RUNDC3B: variants seen among roughly 807,000 people sequenced by gnomAD.
RUNDC3B encodes the protein RUN domain containing 3B.
Under a neutral mutation model 58.4 loss-of-function variants are expected in RUNDC3B, and 33 were observed. The ratio of observed to expected loss-of-function variants is 0.56; its 90% CI spans 0.43 to 0.75. RUNDC3B has a LOEUF of 0.75. Among genes scored for constraint, RUNDC3B ranks in the 30% least tolerant of loss-of-function variants. RUNDC3B has a pLI of 0.00. For synonymous variants in RUNDC3B, 193 were observed against 195.2 expected (o/e 0.99, Z 0.10); for missense variants, 501 against 535.7 (o/e 0.94, Z 0.64).
At chr7:87,690,420 CA>C (rs1827902144) in intron 2 of RUNDC3B, among the ~76,000 whole-genome samples, 2 of 152,140 alleles carry the variant, frequency 1.3e-5, no homozygotes, top group South Asian at 2.1e-4. Flanking sequence ...TTTAGGTACT[CA>C]GTATTTTAAA....
intron 7 of RUNDC3B, among the ~76,000 whole-genome samples, chr7:87,774,381 A>G (rs1486348833): frequency 6.6e-6 from 1 of 152,138 alleles, no homozygotes. Context: ...GAAGGAAAGT[A>G]ATAAAATAAT....
At chr7:87,630,688 C>CT (rs771607643) in intron 1 of RUNDC3B, among the ~76,000 whole-genome samples, 2,062 of 142,312 alleles carry the variant, frequency 0.014, 23 homozygotes, top group Non-Finnish European at 0.022. Flanking sequence ...TTTGCTTAGT[C>CT]TTTTTTTTTT....
intron 8 of RUNDC3B, among the ~76,000 whole-genome samples, chr7:87,784,932 C>A (rs1013382865): frequency 1.3e-5 from 2 of 152,034 alleles, no homozygotes; most frequent in African/African-American, 4.8e-5. Flanking sequence ...CTTAGATCAC[C>A]AGAGACTCAC....
At chr7:87,814,011 A>C (rs967741374) in intron 9 of RUNDC3B, among the ~76,000 whole-genome samples, 1 of 152,104 alleles carries the variant, frequency 6.6e-6, no homozygotes, top group African/African-American at 2.4e-5. Context: ...AATGAAAATC[A>C]AGTGAGATTT....
Position 87,823,791 on chromosome 7 carries a change from T to TATAC in RUNDC3B, c.1226-6093_1226-6092insTACA, listed in dbSNP as rs1420987913. On this transcript the variant is annotated intron_variant, in intron 10 of 10. Coordinates refer to ENST00000394654, the MANE Select transcript of RUNDC3B (RefSeq NM_001134405.2). ...TGAGTAGTATTCCATTTCATATATATACACACACACACACACACACACACA... is the reference window on the plus strand; with the variant it reads ...TGAGTAGTATTCCATTTCATATATATATACACACACACACACACACACACACACA... Among the ~76,000 whole-genome samples, 186 of 143,872 alleles carry TATAC rather than the reference T, an allele frequency of 1.3e-3. 2 individuals are homozygous for TATAC. Among genetic ancestry groups the TATAC allele is most frequent in the African/African-American group, 4.3e-3 (171 of 39,656 alleles). 94.4% of individuals were successfully genotyped at this position (143,872 alleles called of 152,430 possible). A position where few individuals can be genotyped will look rare whatever the true frequency, so the allele number is the denominator to read the frequency against.
At chr7:87,769,615 T>C (rs1254109191) in intron 6 of RUNDC3B, among the ~76,000 whole-genome samples, 1 of 152,172 alleles carries the variant, frequency 6.6e-6, no homozygotes, top group Non-Finnish European at 1.5e-5. Context: ...TATTTTTAAG[T>C]ATATTAACAC....
At chr7:87,686,839 G>A (rs1220586708) in intron 2 of RUNDC3B, among the ~76,000 whole-genome samples, 1 of 151,470 alleles carries the variant, frequency 6.6e-6, no homozygotes, top group Non-Finnish European at 1.5e-5. Context: ...CAGCTACTTG[G>A]GAGGCTAAGG....
intron 4 of RUNDC3B, among the ~76,000 whole-genome samples, chr7:87,725,077 A>G (rs554830503): frequency 7.2e-5 from 11 of 152,252 alleles, no homozygotes; most frequent in African/African-American, 2.6e-4. Flanking sequence ...GTAAATATTT[A>G]TACTAATTTT....
intron 9 of RUNDC3B, among the ~76,000 whole-genome samples, chr7:87,810,678 C>A (rs978264472): frequency 6.6e-6 from 1 of 152,142 alleles, no homozygotes; most frequent in Non-Finnish European, 1.5e-5. Context: ...AAATTTATTT[C>A]TCTTTACTAT....
intron 6 of RUNDC3B, among the ~76,000 whole-genome samples, chr7:87,753,003 G>A (rs1833115400): frequency 1.3e-5 from 2 of 151,910 alleles, no homozygotes; most frequent in Admixed American, 6.6e-5. Flanking sequence ...GCTTTCTCTT[G>A]TGGTCATTTA....
chr7:87,666,423 T>C (rs919344274), intron 2 of RUNDC3B, among the ~76,000 whole-genome samples: 5 of 152,094 alleles, frequency 3.3e-5, no homozygotes, highest in Non-Finnish European at 7.4e-5. Flanking sequence ...AAATATTTTT[T>C]TCCCATTCTG....
intron 4 of RUNDC3B, among the ~76,000 whole-genome samples, chr7:87,719,419 T>G (rs1053142722): frequency 4.0e-5 from 6 of 151,498 alleles, no homozygotes; most frequent in African/African-American, 1.4e-4. Context: ...ACATACAAAA[T>G]AAATATAAAA....
chr7:87,764,613 C>A (rs184180723), intron 6 of RUNDC3B, among the ~76,000 whole-genome samples: 16 of 151,864 alleles, frequency 1.1e-4, no homozygotes, highest in Admixed American at 7.2e-4. Context: ...ATCTTTATGT[C>A]CATGTTTACC....
At chr7:87,800,359 T>C (rs1000915188) in intron 8 of RUNDC3B, among the ~76,000 whole-genome samples, 5 of 152,202 alleles carry the variant, frequency 3.3e-5, no homozygotes, top group African/African-American at 1.2e-4. Context: ...CTAGATCTTT[T>C]AGAAGACCTC....
At chr7:87,829,864 C>T in intron 10 of RUNDC3B, 21 bp from the exon 11 acceptor site, 3 of 1,532,396 alleles carry the variant, frequency 2.0e-6, no homozygotes, top group Non-Finnish European at 2.7e-6. Flanking sequence ...TAATTATTTG[C>T]TATTTAATTC....
chr7:87,686,951 GA>G (rs1202632144), intron 2 of RUNDC3B, among the ~76,000 whole-genome samples: 1,139 of 69,146 alleles, frequency 0.016, 10 homozygotes, highest in African/African-American at 0.044. Flanking sequence ...ATCTCCAAAA[GA>G]AAAAAAAAAA....
At chr7:87,645,930 C>T (rs982535490) in intron 1 of RUNDC3B, among the ~76,000 whole-genome samples, 1 of 152,098 alleles carries the variant, frequency 6.6e-6, no homozygotes, top group African/African-American at 2.4e-5. Context: ...AATGATGAAG[C>T]AAAGCTGGAG....
At chr7:87,682,125 A>T (rs1382774180) in intron 2 of RUNDC3B, among the ~76,000 whole-genome samples, 1 of 152,128 alleles carries the variant, frequency 6.6e-6, no homozygotes, top group Non-Finnish European at 1.5e-5. Context: ...ATAAGAAGGA[A>T]CTCCTCATCT....
At chr7:87,818,712 G>C (rs1371551077) in intron 10 of RUNDC3B, among the ~76,000 whole-genome samples, 3 of 152,142 alleles carry the variant, frequency 2.0e-5, no homozygotes, top group African/African-American at 7.2e-5. Context: ...GAGCACAGGG[G>C]TGGAGGAAAA....
Sources: gnomAD v4.1 joint callset for allele counts (sites outside exome capture counted in the v4.1 genomes callset) on GRCh38, gnomAD v4.1.1 for gene constraint, MANE v1.5 for transcripts, NCBI Gene and HGNC (gene_info 2026-07-23, HGNC 2026-07-21) for gene names.